Variants in ARL15 observed in about 807,000 individuals in gnomAD.
ARL15 encodes ARF like GTPase 15, also known as ADP-ribosylation factor-like protein 15.
ARL15 carries 19 observed loss-of-function variants against 25.2 expected under a neutral mutation model. The observed-to-expected ratio is 0.75, with a 90% CI of 0.53 to 1.10. The LOEUF is 1.10. Among genes scored for constraint, ARL15 ranks in the 50% least tolerant of loss-of-function variants. ARL15 has a pLI of 0.00. For missense variants in ARL15, 220 were observed against 246.0 expected, an observed-to-expected ratio of 0.89 and a Z score of 0.71; for synonymous variants, 94 against 86.8, an observed-to-expected ratio of 1.08 and a Z score of -0.46.
chr5:54,157,806 A>C (rs1409106364), intron 2 of ARL15, among the ~76,000 whole-genome samples: 1 of 152,220 alleles, frequency 6.6e-6, no homozygotes, highest in Non-Finnish European at 1.5e-5. Flanking sequence ...TTTATACTGC[A>C]AAGGTATACA....
intron 4 of ARL15, among the ~76,000 whole-genome samples, chr5:53,915,051 T>A (rs1466439515): frequency 2.0e-5 from 3 of 152,206 alleles, no homozygotes; most frequent in African/African-American, 7.2e-5. Flanking sequence ...CCTCAAGTGA[T>A]CAACCCGCCT....
chr5:53,966,992 A>G (rs182695772), intron 4 of ARL15, among the ~76,000 whole-genome samples: 5 of 152,304 alleles, frequency 3.3e-5, no homozygotes, highest in Admixed American at 2.0e-4. Flanking sequence ...CCATATAATA[A>G]TGTCATGAAA....
chr5:53,933,054 A>C (rs145634151), intron 4 of ARL15, among the ~76,000 whole-genome samples: 28 of 152,298 alleles, frequency 1.8e-4, no homozygotes, highest in African/African-American at 5.1e-4. Flanking sequence ...ACAATAATAA[A>C]ATGAAAAGCT....
At chr5:54,001,795 G>C (rs1363723017) in intron 4 of ARL15, among the ~76,000 whole-genome samples, 8 of 152,178 alleles carry the variant, frequency 5.3e-5, no homozygotes, top group African/African-American at 1.9e-4. Context: ...ATCTCAAGAG[G>C]AGCAAATGTA....
chr5:54,060,089 G>A (rs1461030041), intron 4 of ARL15, among the ~76,000 whole-genome samples: 1 of 133,944 alleles, frequency 7.5e-6, no homozygotes, highest in Non-Finnish European at 1.5e-5. Flanking sequence ...TTTCTGTGCT[G>A]TTCTCATGAT....
intron 1 of ARL15, among the ~76,000 whole-genome samples, chr5:54,255,989 C>T (rs1757351619): frequency 6.6e-6 from 1 of 151,590 alleles, no homozygotes. Flanking sequence ...AAATGACAAC[C>T]TAACATCACA....
chr5:54,244,406 A>T (rs1204348662), intron 1 of ARL15, among the ~76,000 whole-genome samples: 1 of 152,220 alleles, frequency 6.6e-6, no homozygotes, highest in Non-Finnish European at 1.5e-5. Flanking sequence ...AAGGGTCTTT[A>T]TCTGTAGGAA....
At chr5:54,303,613 G>GTGGT (rs1472284832) in intron 1 of ARL15, among the ~76,000 whole-genome samples, 1 of 131,384 alleles carries the variant, frequency 7.6e-6, no homozygotes, top group East Asian at 2.2e-4. Context: ...TAAGGAGATC[G>GTGGT]CACCACTGCA....
At chr5:53,913,325 T>A (rs1310085781) in intron 4 of ARL15, among the ~76,000 whole-genome samples, 1 of 152,032 alleles carries the variant, frequency 6.6e-6, no homozygotes, top group Non-Finnish European at 1.5e-5. Context: ...CAAAGCAGGG[T>A]TGTCATCTCT....
chr5:54,098,418 C>T (rs1361498320), intron 4 of ARL15, among the ~76,000 whole-genome samples: 1 of 152,106 alleles, frequency 6.6e-6, no homozygotes, highest in Admixed American at 6.5e-5. Context: ...GTCTAGCCAT[C>T]CTCCGTCAAA....
chr5:54,010,301 A>G (rs1749190378), intron 4 of ARL15, among the ~76,000 whole-genome samples: 1 of 152,220 alleles, frequency 6.6e-6, no homozygotes, highest in Non-Finnish European at 1.5e-5. Context: ...AAACAAGTAG[A>G]TTGATTTTTC....
rs1441273413 is a variant in ARL15, at chr5:53,944,061, T to C, written c.463-57348A>G. On this transcript the variant is annotated intron_variant, in intron 4 of 4. Transcript: ENST00000504924. ...GATAAAAATCACAGCAAGTGAAGGATAGAAAATGAATTAAGATCCTTCTAG... is the reference window on the plus strand; with the variant it reads ...GATAAAAATCACAGCAAGTGAAGGACAGAAAATGAATTAAGATCCTTCTAG... Among the ~76,000 whole-genome samples the C allele has an allele frequency of 4.6e-5, 7 of 152,094 alleles. 1 individual carries two copies. Among genetic ancestry groups the C allele is most frequent in the Admixed American group, 3.9e-4 (6 of 15,270 alleles).
chr5:54,262,845 T>C (rs1186880301), intron 1 of ARL15, among the ~76,000 whole-genome samples: 1 of 152,220 alleles, frequency 6.6e-6, no homozygotes, highest in African/African-American at 2.4e-5. Context: ...GGAAACCAGA[T>C]AATGAAATTC....
intron 1 of ARL15, among the ~76,000 whole-genome samples, chr5:54,173,288 T>C (rs533574441): frequency 2.0e-5 from 3 of 152,016 alleles, no homozygotes; most frequent in South Asian, 4.2e-4. Context: ...ACTTATCCCA[T>C]ATCCATAGGG....
chr5:54,294,633 A>C (rs1258338443), intron 1 of ARL15, among the ~76,000 whole-genome samples: 1 of 152,244 alleles, frequency 6.6e-6, no homozygotes, highest in Non-Finnish European at 1.5e-5. Context: ...AGGGCTACAC[A>C]GCAGAATTAA....
At chr5:54,030,672 T>A (rs1238286843) in intron 4 of ARL15, among the ~76,000 whole-genome samples, 1 of 152,044 alleles carries the variant, frequency 6.6e-6, no homozygotes, top group African/African-American at 2.4e-5. Flanking sequence ...TGGGATAAAA[T>A]AAAGGCAGGC....
At chr5:54,126,852 A>G (rs1232663966) in intron 3 of ARL15, among the ~76,000 whole-genome samples, 1 of 151,662 alleles carries the variant, frequency 6.6e-6, no homozygotes, top group Admixed American at 6.6e-5. Context: ...TTTTTATTTT[A>G]TTTTATTATT....
At chr5:54,044,458 C>T (rs536319855) in intron 4 of ARL15, among the ~76,000 whole-genome samples, 46 of 152,066 alleles carry the variant, frequency 3.0e-4, no homozygotes, top group African/African-American at 1.0e-3. Flanking sequence ...TTGGCCAAGC[C>T]GGTCTCAAAC....
intron 1 of ARL15, among the ~76,000 whole-genome samples, chr5:54,297,816 T>C (rs1296879244): frequency 6.6e-6 from 1 of 152,144 alleles, no homozygotes; most frequent in Non-Finnish European, 1.5e-5. Context: ...GGAGTCTCGC[T>C]CTGTCGCCCA....
Sources: allele counts gnomAD v4.1 joint callset (sites outside exome capture counted in the v4.1 genomes callset), GRCh38; gene constraint gnomAD v4.1.1; transcripts MANE v1.5; gene names NCBI Gene and HGNC (gene_info 2026-07-23, HGNC 2026-07-21).